Variants in FGF12 observed in about 807,000 individuals in gnomAD.
FGF12 encodes the protein fibroblast growth factor 12B.
Under a neutral mutation model 23.6 loss-of-function variants are expected in FGF12, and 14 were observed. The ratio of observed to expected loss-of-function variants is 0.59; its 90% CI spans 0.39 to 0.93. The LOEUF is 0.93. FGF12 is among the 40% of genes least tolerant of loss of function. The probability of loss-of-function intolerance (pLI) is 0.00; values close to 1 mark genes in which losing one functional copy is unlikely to be tolerated. For missense variants in FGF12, 175 were observed against 217.8 expected, an observed-to-expected ratio of 0.80 and a Z score of 1.24; for synonymous variants, 62 against 77.3, an observed-to-expected ratio of 0.80 and a Z score of 1.04.
chr3:192,714,760 C>T (rs987019786), intron 2 of FGF12, among the ~76,000 whole-genome samples: 3 of 152,050 alleles, frequency 2.0e-5, no homozygotes, highest in Non-Finnish European at 4.4e-5. Flanking sequence ...CCTCGTGATC[C>T]GCCCGCCTCG....
chr3:192,220,473 C>T (rs745395537), intron 4 of FGF12, among the ~76,000 whole-genome samples: 8 of 152,160 alleles, frequency 5.3e-5, no homozygotes, highest in Non-Finnish European at 1.2e-4. Flanking sequence ...CCAAATTCTC[C>T]TCACACTATA....
At chr3:192,207,233 G>T (rs1037672056) in intron 4 of FGF12, among the ~76,000 whole-genome samples, 5 of 152,166 alleles carry the variant, frequency 3.3e-5, no homozygotes, top group Admixed American at 1.3e-4. Flanking sequence ...TAGTTTCTGG[G>T]ATTTAGTAAA....
intron 2 of FGF12, among the ~76,000 whole-genome samples, chr3:192,587,478 C>G (rs1256883626): frequency 6.6e-6 from 1 of 151,802 alleles, no homozygotes. Context: ...CTTATGTTTA[C>G]ATATAATAAC....
intron 3 of FGF12, among the ~76,000 whole-genome samples, chr3:192,345,849 A>C (rs1717935859): frequency 6.6e-6 from 1 of 152,180 alleles, no homozygotes; most frequent in Admixed American, 6.5e-5. Context: ...AAAAATCTTT[A>C]GTTTTTCTTA....
intron 2 of FGF12, among the ~76,000 whole-genome samples, chr3:192,715,883 TATTA>T (rs1362096840): frequency 1.3e-5 from 2 of 152,248 alleles, no homozygotes; most frequent in Non-Finnish European, 1.5e-5. Flanking sequence ...TGGATCCTTG[TATTA>T]ATTAATTAAC....
At chr3:192,329,643 C>T (rs898611044) in intron 4 of FGF12, among the ~76,000 whole-genome samples, 1 of 152,120 alleles carries the variant, frequency 6.6e-6, no homozygotes, top group African/African-American at 2.4e-5. Flanking sequence ...TTCACCACTC[C>T]CAACCGAAAT....
At chr3:192,225,068 C>T (rs1718663951) in intron 4 of FGF12, among the ~76,000 whole-genome samples, 2 of 152,010 alleles carry the variant, frequency 1.3e-5, no homozygotes, top group Admixed American at 1.3e-4. Flanking sequence ...AAAATGAAGA[C>T]TTGCCACAAC....
Position 192,360,787 on chromosome 3 carries a change from A to G in FGF12, c.14-249T>C. The G allele has an allele frequency of 2.1e-6, 1 of 485,962 alleles. No homozygotes were observed. Among genetic ancestry groups the G allele is most frequent in the South Asian group, 2.6e-5 (1 of 38,786 alleles). The allele number at this position is 485,962 out of a possible 1,614,324, so 30.1% of individuals were successfully genotyped here. A position where few individuals can be genotyped will look rare whatever the true frequency, so the allele number is the denominator to read the frequency against. On this transcript the variant is annotated intron_variant, in intron 2 of 5. Transcript: ENST00000445105. The surrounding 1 kb of genome is among the most constrained non-coding windows in gnomAD (Gnocchi z 4.3). ...AAGCTAATTATGATTGGGAAAATACAGAGACATGCTAAAAAGTGAGTTATT... is the reference window on the plus strand; with the variant it reads ...AAGCTAATTATGATTGGGAAAATACGGAGACATGCTAAAAAGTGAGTTATT...
intron 2 of FGF12, among the ~76,000 whole-genome samples, chr3:192,511,548 A>G (rs944208640): frequency 2.6e-5 from 4 of 152,114 alleles, no homozygotes; most frequent in African/African-American, 9.7e-5. Flanking sequence ...TAAAGTTTCT[A>G]TCTCTAGAGA....
intron 2 of FGF12, among the ~76,000 whole-genome samples, chr3:192,627,876 GTGT>G (rs1715232331): frequency 6.6e-6 from 1 of 151,906 alleles, no homozygotes; most frequent in African/African-American, 2.4e-5. Context: ...GTGTGTGTGT[GTGT>G]TTAGTTATAT....
intron 4 of FGF12, among the ~76,000 whole-genome samples, chr3:192,184,735 C>T (rs917872255): frequency 2.6e-5 from 4 of 152,170 alleles, no homozygotes; most frequent in African/African-American, 9.7e-5. Context: ...TGGCAAGTGC[C>T]TTCCTCAAAG....
At chr3:192,566,584 T>A (rs1306480720) in intron 2 of FGF12, among the ~76,000 whole-genome samples, 1 of 152,206 alleles carries the variant, frequency 6.6e-6, no homozygotes, top group Non-Finnish European at 1.5e-5. Context: ...ATAGGGCACA[T>A]GCTTTTGTTT....
chr3:192,195,945 A>T (rs1335201763), intron 4 of FGF12, among the ~76,000 whole-genome samples: 1 of 152,118 alleles, frequency 6.6e-6, no homozygotes. Flanking sequence ...TATAGAAGAG[A>T]TCTCTTGAAC....
Position 192,547,058 on chromosome 3 carries a change from C to A in FGF12, c.13+180123G>T, listed in dbSNP as rs1344772031. Among the ~76,000 whole-genome samples the A allele has an allele frequency of 2.6e-5, 4 of 152,186 alleles. No individual in the cohort carries two copies. In the East Asian group the frequency reaches 7.8e-4, roughly 30 times the overall value. On this transcript the variant is annotated intron_variant, in intron 2 of 5. Transcript: ENST00000445105. Reference sequence around the variant, plus strand: ...AGAGTGAGACCCGGTCTCAAAAAAACAATAGTGGGGCAAGACAAACCAGAT... The same window carrying A: ...AGAGTGAGACCCGGTCTCAAAAAAAAAATAGTGGGGCAAGACAAACCAGAT...
intron 2 of FGF12, among the ~76,000 whole-genome samples, chr3:192,441,342 G>A (rs749063291): frequency 6.6e-6 from 1 of 152,154 alleles, no homozygotes; most frequent in Non-Finnish European, 1.5e-5. Flanking sequence ...GGAGGATTTA[G>A]CCAGTAGAAA....
chr3:192,566,292 C>T lies in FGF12; in HGVS notation c.13+160889G>A, dbSNP rs530628782. Among the ~76,000 whole-genome samples the T allele has an allele frequency of 3.9e-5, 6 of 152,282 alleles. No homozygotes were observed. The South Asian group carries it at 1.2e-3, about 32-fold the overall frequency. ...CTTTACTCTCAATCACTGCTCTGTA[C>T]TCTTTCTATAGTGCTTCATGAAAAT... On this transcript the variant is annotated intron_variant, in intron 2 of 5. Coordinates refer to ENST00000445105, the MANE Select transcript of FGF12 (RefSeq NM_004113.6).
At chr3:192,612,149 T>A (rs1427349280) in intron 2 of FGF12, among the ~76,000 whole-genome samples, 1 of 151,992 alleles carries the variant, frequency 6.6e-6, no homozygotes, top group Non-Finnish European at 1.5e-5. Flanking sequence ...AACAAACCAG[T>A]CACAGTAGTA....
intron 4 of FGF12, among the ~76,000 whole-genome samples, chr3:192,201,806 G>A (rs1717381392): frequency 6.6e-6 from 1 of 152,190 alleles, no homozygotes; most frequent in South Asian, 2.1e-4. Context: ...CATAATAGAA[G>A]AGCAAGCAGG....
chr3:192,379,854 G>A (rs1251340049), intron 2 of FGF12, among the ~76,000 whole-genome samples: 4 of 152,136 alleles, frequency 2.6e-5, no homozygotes, highest in Non-Finnish European at 5.9e-5. Flanking sequence ...TTCTAAAGGA[G>A]TTGGATCATC....
Sources: allele counts gnomAD v4.1 joint callset (sites outside exome capture counted in the v4.1 genomes callset), GRCh38; gene constraint gnomAD v4.1.1; non-coding constraint Gnocchi (gnomAD v3.1); transcripts MANE v1.5; gene names NCBI Gene and HGNC (gene_info 2026-07-23, HGNC 2026-07-21).